Variants in PSD2 observed in about 807,000 individuals in gnomAD.
PSD2 encodes pleckstrin and Sec7 domain containing 2.
A neutral mutation model predicts 69.8 loss-of-function variants in PSD2; 38 were observed. That is an observed-to-expected ratio of 0.54 (90% CI 0.42 to 0.71). The LOEUF is 0.71. PSD2 is among the 30% of genes least tolerant of loss of function. PSD2 has a pLI of 0.00. For synonymous variants in PSD2, 412 were observed against 423.0 expected (o/e 0.97, Z 0.32); for missense variants, 943 against 1,014.5 (o/e 0.93, Z 0.96).
At chr5:139,820,520 T>A (rs1190766518) in intron 5 of PSD2, among the ~76,000 whole-genome samples, 1 of 152,106 alleles carries the variant, frequency 6.6e-6, no homozygotes, top group African/African-American at 2.4e-5. Flanking sequence ...GGCCAAGTCA[T>A]GGCTTGCAGG....
At chr5:139,776,487 C>T in the PSD2 span, among the ~76,000 whole-genome samples, 6 of 152,154 alleles carry the variant, frequency 3.9e-5, no homozygotes, top group African/African-American at 1.4e-4. Context: ...TGTCCAGAAA[C>T]GGCTGGATGA....
upstream of PSD2, among the ~76,000 whole-genome samples, chr5:139,792,836 TTC>T (rs1232579003): frequency 6.8e-6 from 1 of 146,516 alleles, no homozygotes; most frequent in South Asian, 2.2e-4. Context: ...CTTCCTTCCT[TTC>T]TTTCTTTTTT....
chr5:139,747,707 C>A, the PSD2 span, among the ~76,000 whole-genome samples: 2 of 152,232 alleles, frequency 1.3e-5, no homozygotes, highest in African/African-American at 2.4e-5. This position sits in a 1 kb window ranked among gnomAD's most constrained non-coding sequence, Gnocchi z 6.7. Flanking sequence ...CCGTCAGACC[C>A]AATTTATCTC....
intron 7 of PSD2, among the ~76,000 whole-genome samples, chr5:139,830,014 A>G (rs1416341911): frequency 1.3e-5 from 2 of 150,920 alleles, no homozygotes; most frequent in African/African-American, 4.9e-5. Context: ...TTTTTTGAAA[A>G]AAAAAAAAAA....
chr5:139,758,058 G>A, the PSD2 span, among the ~76,000 whole-genome samples: 8 of 152,220 alleles, frequency 5.3e-5, no homozygotes, highest in South Asian at 6.2e-4. Context: ...AAAACGAAAC[G>A]AAACAAAAAA....
the PSD2 span, among the ~76,000 whole-genome samples, chr5:139,764,750 C>A: frequency 2.0e-5 from 3 of 152,168 alleles, no homozygotes; most frequent in African/African-American, 7.2e-5. Flanking sequence ...AAGGGGCTGA[C>A]CTGCCTTTAC....
chr5:139,828,293 T>G, intron 7 of PSD2, among the ~76,000 whole-genome samples: 5 of 148,908 alleles, frequency 3.4e-5, no homozygotes, highest in African/African-American at 7.4e-5. Flanking sequence ...GAAGGAGGGG[T>G]GGGTGGGAGA....
At chr5:139,838,804 C>A in intron 13 of PSD2, 32 bp downstream of exon 13, 1 of 1,596,890 alleles carries the variant, frequency 6.3e-7, no homozygotes. Context: ...TTTTGCCTCC[C>A]CAGGCTGCCA....
At chr5:139,792,056 T>C (rs1248395119), upstream of PSD2, among the ~76,000 whole-genome samples, 1 of 151,006 alleles carries the variant, frequency 6.6e-6, no homozygotes, top group African/African-American at 2.4e-5. Flanking sequence ...CTAGAAATGG[T>C]TGAGGGGGAA....
At chr5:139,785,234 C>CT in the PSD2 span, among the ~76,000 whole-genome samples, 978 of 141,844 alleles carry the variant, frequency 6.9e-3, 11 homozygotes, top group African/African-American at 0.022. Context: ...CCCTTCCTTC[C>CT]TTTTTTTTTT....
chr5:139,787,905 C>T, the PSD2 span, among the ~76,000 whole-genome samples: 1 of 152,210 alleles, frequency 6.6e-6, no homozygotes, highest in South Asian at 2.1e-4. Context: ...GAGGAAATAC[C>T]CGGGTTGGAG....
chr5:139,749,293 A>G, the PSD2 span, among the ~76,000 whole-genome samples: 1 of 152,182 alleles, frequency 6.6e-6, no homozygotes, highest in Non-Finnish European at 1.5e-5. Context: ...CCAGCCCTCC[A>G]GGATCCTTCT....
Position 139,842,592 on chromosome 5 carries a change from G to A in PSD2, c.*118G>A. The A allele has an allele frequency of 2.3e-6, 2 of 888,240 alleles. No homozygotes were observed. Among genetic ancestry groups the A allele is most frequent in the Non-Finnish European group, 3.5e-6 (2 of 569,468 alleles). 55.0% of individuals were successfully genotyped at this position (888,240 alleles called of 1,614,324 possible). A position where few individuals can be genotyped will look rare whatever the true frequency, so the allele number is the denominator to read the frequency against. On this transcript the variant is annotated 3_prime_UTR_variant, in exon 15 of 15. Transcript: ENST00000274710. ...AGTCAGTTGATGGGCAGCTAGAGGG[G>A]TGCAGAAAGCCTGTGGGCCCAGGAG...
At chr5:139,781,461 G>A in the PSD2 span, among the ~76,000 whole-genome samples, 20 of 151,338 alleles carry the variant, frequency 1.3e-4, no homozygotes, top group Admixed American at 1.1e-3. Context: ...TCAGCCTCCC[G>A]AGTAGCTGGG....
At position 139,814,248 on chromosome 5, in the gene PSD2, A is replaced by G. The variant is rs1760058406; in HGVS notation, c.900A>G (p.Ala300=). Residue 300 remains alanine, a synonymous_variant, in exon 4 of 15, where the codon GCA becomes GCG. Transcript: ENST00000274710. This position sits in a 1 kb window ranked among gnomAD's most constrained non-coding sequence, Gnocchi z 4.4. ...CGGAGGGGTTGGAGCCTGGTAGTGC[A>G]GACCCTCTGGCCAACGGGTGCCAGG... ...SSSEGLEPGS[A]DPLANGCQGV... is the part of the protein sequence containing the mutation. The G allele has an allele frequency of 1.9e-6, 3 of 1,613,782 alleles. No homozygotes were observed. Among genetic ancestry groups the G allele is most frequent in the South Asian group, 1.1e-5 (1 of 91,042 alleles).
Position 139,816,358 on chromosome 5 carries a change from G to A in PSD2, c.1017-1123G>A, listed in dbSNP as rs192333603. ...AAAAATGTTGGTTTATTGAAATCAA[G>A]ATTCAAACAGGGTCCACACATTGCA... is the stretch of plus-strand genomic sequence containing the variant. On this transcript the variant is annotated intron_variant, in intron 4 of 14. Transcript: ENST00000274710. Among the ~76,000 whole-genome samples, 32 of 152,298 alleles carry A rather than the reference G, an allele frequency of 2.1e-4. No individual in the cohort carries two copies. In the East Asian group the frequency reaches 6.0e-3, roughly 28 times the overall value.
At chr5:139,836,613 A>AGGTCAGG (rs1760725237) in intron 9 of PSD2, among the ~76,000 whole-genome samples, 198 bp from the exon 10 acceptor site, 1 of 152,202 alleles carries the variant, frequency 6.6e-6, no homozygotes, top group African/African-American at 2.4e-5. Flanking sequence ...CAGAGGTCAG[A>AGGTCAGG]GGTCAGAAGT....
the PSD2 span, among the ~76,000 whole-genome samples, chr5:139,781,357 A>C: frequency 1.3e-5 from 2 of 150,968 alleles, no homozygotes; most frequent in South Asian, 2.1e-4. Flanking sequence ...TTTTTCTGAG[A>C]CGGAGTCTTG....
intron 1 of PSD2, among the ~76,000 whole-genome samples, chr5:139,801,576 C>G (rs868690927): frequency 2.0e-5 from 3 of 152,100 alleles, no homozygotes; most frequent in Admixed American, 2.0e-4. Flanking sequence ...AGCACTTGCC[C>G]TGCACAGGCT....
Sources: gnomAD v4.1 joint callset for allele counts (sites outside exome capture counted in the v4.1 genomes callset) on GRCh38, gnomAD v4.1.1 for gene constraint, Gnocchi (gnomAD v3.1) non-coding constraint, MANE v1.5 for transcripts, NCBI Gene and HGNC (gene_info 2026-07-23, HGNC 2026-07-21) for gene names.